TENM3: variants seen among roughly 807,000 people sequenced by gnomAD.
The protein encoded by TENM3 is teneurin-3.
A neutral mutation model predicts 255.1 loss-of-function variants in TENM3; 63 were observed. The observed-to-expected ratio is 0.25, with a 90% CI of 0.20 to 0.30. The LOEUF is 0.30. Among genes scored for constraint, TENM3 ranks in the 10% least tolerant of loss-of-function variants. The probability of loss-of-function intolerance (pLI) is 1.00; values close to 1 mark genes in which losing one functional copy is unlikely to be tolerated. For missense variants in TENM3, 2,929 were observed against 3,461.1 expected (o/e 0.85, Z 3.86); for synonymous variants, 1,306 against 1,322.3 (o/e 0.99, Z 0.27).
chr4:182,589,827 A>C (rs2152384466), intron 3 of TENM3, among the ~76,000 whole-genome samples: 1 of 152,136 alleles, frequency 6.6e-6, no homozygotes, highest in South Asian at 2.1e-4. Context: ...ACAAAAAATT[A>C]GCTGGGCTTG....
At chr4:182,534,933 A>G (rs770146533) in intron 3 of TENM3, among the ~76,000 whole-genome samples, 2 of 152,182 alleles carry the variant, frequency 1.3e-5, no homozygotes, top group Non-Finnish European at 2.9e-5. Context: ...TTTTCCTCTT[A>G]TACTATGTAG....
At chr4:181,706,509 G>A in the TENM3 span, among the ~76,000 whole-genome samples, 2 of 152,158 alleles carry the variant, frequency 1.3e-5, no homozygotes, top group East Asian at 3.9e-4. Flanking sequence ...CAAGCCTACA[G>A]AAATATGCAA....
At chr4:182,517,784 A>G (rs930265982) in intron 3 of TENM3, among the ~76,000 whole-genome samples, 14 of 152,194 alleles carry the variant, frequency 9.2e-5, no homozygotes, top group African/African-American at 7.2e-5. Context: ...TTGCATACCT[A>G]TACTTAACAT....
the TENM3 span, among the ~76,000 whole-genome samples, chr4:181,495,846 G>A: frequency 1.5e-5 from 2 of 137,920 alleles, no homozygotes; most frequent in African/African-American, 5.4e-5. Flanking sequence ...CTGGCAAAAA[G>A]CTAGAAAATG....
chr4:182,536,576 A>G (rs1265364283), intron 3 of TENM3, among the ~76,000 whole-genome samples: 1 of 152,220 alleles, frequency 6.6e-6, no homozygotes, highest in Non-Finnish European at 1.5e-5. Flanking sequence ...TGCCAAGACC[A>G]AAATCACTGA....
intron 1 of TENM3, among the ~76,000 whole-genome samples, chr4:182,154,626 G>C (rs974392293): frequency 6.6e-6 from 1 of 152,078 alleles, no homozygotes; most frequent in Non-Finnish European, 1.5e-5. Context: ...TGATTCTTGC[G>C]GGGTACTCAG....
At chr4:181,527,170 T>G in the TENM3 span, among the ~76,000 whole-genome samples, 1 of 152,294 alleles carries the variant, frequency 6.6e-6, no homozygotes, top group Non-Finnish European at 1.5e-5. Flanking sequence ...GAATGTCTTT[T>G]GTATGTCTGG....
At chr4:181,529,865 G>A in the TENM3 span, among the ~76,000 whole-genome samples, 1 of 152,178 alleles carries the variant, frequency 6.6e-6, no homozygotes, top group African/African-American at 2.4e-5. Flanking sequence ...CTTTGATGAG[G>A]TTGTCCATAA....
the TENM3 span, among the ~76,000 whole-genome samples, chr4:181,942,460 C>G: frequency 6.6e-6 from 1 of 152,014 alleles, no homozygotes; most frequent in South Asian, 2.1e-4. Flanking sequence ...GGCCCAGAGT[C>G]CTGAGTGAGG....
At chr4:182,778,697 T>G (rs1251148628) in intron 24 of TENM3, among the ~76,000 whole-genome samples, 1 of 152,178 alleles carries the variant, frequency 6.6e-6, no homozygotes, top group African/African-American at 2.4e-5. Context: ...GCTCCCAACA[T>G]CAAAGTGATG....
chr4:181,850,938 G>A, the TENM3 span, among the ~76,000 whole-genome samples: 1 of 152,132 alleles, frequency 6.6e-6, no homozygotes, highest in African/African-American at 2.4e-5. Context: ...CATCACCACT[G>A]GAGGTGAAGC....
chr4:182,038,425 C>A, the TENM3 span, among the ~76,000 whole-genome samples: 102,931 of 152,046 alleles, frequency 0.68, 35,774 homozygotes, highest in South Asian at 0.79. Context: ...TAACAAACCC[C>A]TGAGAAGGTA....
chr4:182,024,859 C>T, the TENM3 span, among the ~76,000 whole-genome samples: 3 of 151,954 alleles, frequency 2.0e-5, no homozygotes, highest in Non-Finnish European at 4.4e-5. Flanking sequence ...GTCTGGTAAC[C>T]ATCCTTCTAC....
chr4:182,486,252 T>C (rs967820506), intron 3 of TENM3, among the ~76,000 whole-genome samples: 1 of 119,728 alleles, frequency 8.4e-6, no homozygotes, highest in South Asian at 2.7e-4. Context: ...TTTAAAAAGA[T>C]TTAAAAAAGA....
intron 11 of TENM3, among the ~76,000 whole-genome samples, chr4:182,684,198 T>C (rs373623001): frequency 1.5e-4 from 23 of 149,716 alleles, no homozygotes; most frequent in African/African-American, 5.2e-4. Flanking sequence ...AAGAGGACAA[T>C]GATAGAGGAG....
the TENM3 span, among the ~76,000 whole-genome samples, chr4:181,971,657 C>T: frequency 6.6e-6 from 1 of 152,146 alleles, no homozygotes; most frequent in East Asian, 1.9e-4. Context: ...ACCTCAAATT[C>T]CTGAGCTCAA....
chr4:182,180,541 A>G (rs1752777050), intron 1 of TENM3, among the ~76,000 whole-genome samples: 1 of 152,148 alleles, frequency 6.6e-6, no homozygotes, highest in Non-Finnish European at 1.5e-5. Flanking sequence ...TGAGTTTCAT[A>G]AAGTCATTCT....
At chr4:181,549,287 A>C in the TENM3 span, among the ~76,000 whole-genome samples, 1 of 152,218 alleles carries the variant, frequency 6.6e-6, no homozygotes, top group East Asian at 1.9e-4. Context: ...GAGACAAGGG[A>C]CTGCTGGCAA....
chr4:181,613,734 G>A, the TENM3 span, among the ~76,000 whole-genome samples: 4 of 152,186 alleles, frequency 2.6e-5, no homozygotes, highest in African/African-American at 4.8e-5. Flanking sequence ...TAAACCACTG[G>A]TTCCCAAATT....
Sources: allele counts gnomAD v4.1 joint callset (sites outside exome capture counted in the v4.1 genomes callset), GRCh38; gene constraint gnomAD v4.1.1; transcripts MANE v1.5; gene names NCBI Gene and HGNC (gene_info 2026-07-23, HGNC 2026-07-21).